Variants in CTNNBIP1 observed in about 807,000 individuals in gnomAD.
The protein encoded by CTNNBIP1 is beta-catenin-interacting protein 1.
A neutral mutation model predicts 11.8 loss-of-function variants in CTNNBIP1; 7 were observed. That is an observed-to-expected ratio of 0.60 (90% CI 0.34 to 1.12). CTNNBIP1 has a LOEUF of 1.12. Ranked by LOEUF, CTNNBIP1 falls within the 50% of genes most tolerant of loss-of-function variation. The probability of loss-of-function intolerance (pLI) is 0.03; values close to 1 mark genes in which losing one functional copy is unlikely to be tolerated. For missense variants in CTNNBIP1, 101 were observed against 113.4 expected (o/e 0.89, Z 0.50); for synonymous variants, 58 against 43.9 (o/e 1.32, Z -1.26).
chr1:9,909,441 G>A (rs1639685881), intron 1 of CTNNBIP1, among the ~76,000 whole-genome samples: 1 of 152,182 alleles, frequency 6.6e-6, no homozygotes, highest in Non-Finnish European at 1.5e-5. Context: ...GAGGGATGGA[G>A]GGCCTAGCAG....
rs1401621395 is a variant in CTNNBIP1, at chr1:9,910,079, C to G, written c.-144+16G>C. ...GGGCCCGGGCGGTGCAGGCGCGGCC[C>G]GGCCTCGGCGCTTACCTGGGCCGCC... On this transcript the variant is annotated intron_variant, in intron 1 of 5. Transcript: ENST00000377263. 1 of 146,792 alleles carries G rather than the reference C, an allele frequency of 6.8e-6. No individual in the cohort carries two copies. Among genetic ancestry groups the G allele is most frequent in the African/African-American group, 2.4e-5 (1 of 40,826 alleles). The allele number at this position is 146,792 out of a possible 1,614,324, so 9.1% of individuals were successfully genotyped here.
At chr1:9,873,064 C>T (rs1638898474) in intron 3 of CTNNBIP1, among the ~76,000 whole-genome samples, 1 of 152,132 alleles carries the variant, frequency 6.6e-6, no homozygotes, top group Admixed American at 6.5e-5. Flanking sequence ...GCGGGCTTTC[C>T]CAGGCAGGGT....
chr1:9,860,353 T>C (rs61785586), intron 5 of CTNNBIP1, among the ~76,000 whole-genome samples: 18,975 of 143,866 alleles, frequency 0.13, 3,362 homozygotes, highest in African/African-American at 0.4. Flanking sequence ...CAATTTAAGA[T>C]GCTGAGGCGG....
chr1:9,906,285 C>T (rs571604503), intron 1 of CTNNBIP1, among the ~76,000 whole-genome samples: 11 of 152,226 alleles, frequency 7.2e-5, no homozygotes, highest in Admixed American at 2.6e-4. Flanking sequence ...AGGCCAGGCA[C>T]GGTGGCTCAC....
intron 1 of CTNNBIP1, among the ~76,000 whole-genome samples, chr1:9,905,676 C>T (rs936188032): frequency 2.6e-5 from 4 of 151,798 alleles, no homozygotes; most frequent in Non-Finnish European, 4.4e-5. Flanking sequence ...GTGATCCACC[C>T]GCCTCGGCCT....
Position 9,871,996 on chromosome 1 carries a change from C to G in CTNNBIP1, c.69G>C (p.Leu23=), listed in dbSNP as rs942996804. The change falls in exon 4 of 6, where the codon CTG becomes CTC. Residue 23 remains leucine, a synonymous_variant. Transcript: ENST00000377263. This position sits in a 1 kb window ranked among gnomAD's most constrained non-coding sequence, Gnocchi z 5.2. ...TTGATCCCATCTTCCGCAGCATGAG[C>G]AGCACTCGGACCTTCTGCTGAATGT... The part of the protein sequence containing the change: ...EMYIQQKVRV[L]LMLRKMGSNL... 6.2e-7 allele frequency: 1 copy of G among 1,614,166 alleles called. No individual in the cohort carries two copies. The highest frequency in any genetic ancestry group is 1.3e-5 in the African/African-American group (1 of 75,066).
chr1:9,871,275 C>T lies in CTNNBIP1; in HGVS notation c.99G>A (p.Leu33=), dbSNP rs775691294. ...LLMLRKMGSN[L]TASEEEFLRT... is the part of the protein sequence containing the mutation. Reference sequence around the variant, plus strand: ...GCAGGAACTCCTCCTCGCTGGCTGTCAGCTGCAGGGTGAGAGAGCTGTGGT... The same window carrying T: ...GCAGGAACTCCTCCTCGCTGGCTGTTAGCTGCAGGGTGAGAGAGCTGTGGT... The change falls in exon 5 of 6, where the codon CTG becomes CTA. Residue 33 remains leucine, a splice_region_variant and synonymous_variant. Transcript: ENST00000377263. The surrounding 1 kb of genome is among the most constrained non-coding windows in gnomAD (Gnocchi z 5.2). 2.6e-6 allele frequency: 4 copies of T among 1,564,730 alleles called. No individual in the cohort carries two copies. The highest frequency in any genetic ancestry group is 3.5e-6 in the Non-Finnish European group (4 of 1,154,562).
chr1:9,863,562 C>T (rs1570565628), intron 5 of CTNNBIP1, among the ~76,000 whole-genome samples: 1 of 152,348 alleles, frequency 6.6e-6, no homozygotes, highest in Admixed American at 6.5e-5. Flanking sequence ...AGCAGCCTGG[C>T]CCTGGAAGGC....
chr1:9,893,636 G>A (rs1639350493), intron 1 of CTNNBIP1, among the ~76,000 whole-genome samples: 2 of 152,176 alleles, frequency 1.3e-5, no homozygotes, highest in African/African-American at 4.8e-5. Context: ...CACTGGAAGA[G>A]GGTTAATTAC....
intron 5 of CTNNBIP1, among the ~76,000 whole-genome samples, chr1:9,856,686 G>A (rs887921726): frequency 6.6e-6 from 1 of 151,518 alleles, no homozygotes; most frequent in African/African-American, 2.4e-5. Context: ...GCTAATTTTT[G>A]TATTTTTAGT....
intron 3 of CTNNBIP1, among the ~76,000 whole-genome samples, chr1:9,877,091 G>A (rs1188169125): frequency 6.6e-6 from 1 of 152,184 alleles, no homozygotes; most frequent in East Asian, 1.9e-4. Context: ...AGCCTTTGCA[G>A]GGACCTAATC....
At position 9,873,147 on chromosome 1, in the gene CTNNBIP1, A is replaced by T. The variant is rs200889657; in HGVS notation, c.-24-1059T>A. 6.6e-5 allele frequency among the ~76,000 whole-genome samples: 10 copies of T among 152,264 alleles called. No individual in the cohort carries two copies. In the East Asian group the frequency reaches 1.9e-3, roughly 29 times the overall value. ...AGCAGCCTCCCTGTAGGTACTTGTC[A>T]ACTGCTCATTCCCCATAAGCTAATG... On this transcript the variant is annotated intron_variant, in intron 3 of 5. Coordinates refer to ENST00000377263, the MANE Select transcript of CTNNBIP1 (RefSeq NM_020248.3).
chr1:9,899,465 A>T (rs1251684931), intron 1 of CTNNBIP1, among the ~76,000 whole-genome samples: 1 of 146,384 alleles, frequency 6.8e-6, no homozygotes, highest in Non-Finnish European at 1.5e-5. Context: ...CAAAAAAAAA[A>T]AAAAAAAAAA....
At chr1:9,863,259 T>C (rs1445574605) in intron 5 of CTNNBIP1, among the ~76,000 whole-genome samples, 1 of 152,240 alleles carries the variant, frequency 6.6e-6, no homozygotes, top group Non-Finnish European at 1.5e-5. Context: ...TTCTGTTCAA[T>C]TCAATATATA....
intron 3 of CTNNBIP1, among the ~76,000 whole-genome samples, chr1:9,877,347 C>A (rs1464063660): frequency 6.6e-6 from 1 of 152,172 alleles, no homozygotes; most frequent in Non-Finnish European, 1.5e-5. Context: ...CAGCCACCTG[C>A]ACTCCTTTTT....
chr1:9,896,120 T>C (rs1347774288), intron 1 of CTNNBIP1, among the ~76,000 whole-genome samples: 1 of 150,992 alleles, frequency 6.6e-6, no homozygotes, highest in Non-Finnish European at 1.5e-5. Flanking sequence ...AGCTTTTCTT[T>C]GTTTATCAGG....
At chr1:9,908,604 C>T (rs534435069) in intron 1 of CTNNBIP1, among the ~76,000 whole-genome samples, 54 of 145,824 alleles carry the variant, frequency 3.7e-4, no homozygotes, top group Middle Eastern at 4.2e-3. Context: ...CCTCGTGATC[C>T]GCCCGCCTCG....
rs6680479 is a variant in CTNNBIP1, at chr1:9,872,842, G to T, written c.-24-754C>A. ...AGTCCAGAGCCCCCTCCCTCCAGGA[G>T]GAGCTGGAGGAGAGGAAGCTGGGTA... On this transcript the variant is annotated intron_variant, in intron 3 of 5. Coordinates refer to ENST00000377263, the MANE Select transcript of CTNNBIP1 (RefSeq NM_020248.3). The surrounding 1 kb of genome is among the most constrained non-coding windows in gnomAD (Gnocchi z 4.0). 0.025 allele frequency among the ~76,000 whole-genome samples: 3,841 copies of T among 152,306 alleles called. 191 individuals carry two copies. Among genetic ancestry groups the T allele is most frequent in the African/African-American group, 0.087 (3,594 of 41,534 alleles).
intron 5 of CTNNBIP1, among the ~76,000 whole-genome samples, chr1:9,853,107 C>T (rs1638426030): frequency 6.6e-6 from 1 of 152,172 alleles, no homozygotes; most frequent in Admixed American, 6.5e-5. Flanking sequence ...ACCCCCTTCC[C>T]TGGTGGCATT....
Sources: gnomAD v4.1 joint callset for allele counts (sites outside exome capture counted in the v4.1 genomes callset) on GRCh38, gnomAD v4.1.1 for gene constraint, Gnocchi (gnomAD v3.1) non-coding constraint, MANE v1.5 for transcripts, NCBI Gene and HGNC (gene_info 2026-07-23, HGNC 2026-07-21) for gene names.